The following NEDD4L variants were observed in gnomAD, a reference collection of about 807,000 sequenced individuals.
NEDD4L encodes E3 ubiquitin-protein ligase NEDD4-like.
NEDD4L carries 54 observed loss-of-function variants against 148.9 expected under a neutral mutation model. The observed-to-expected ratio is 0.36, with a 90% CI of 0.29 to 0.45. The LOEUF is 0.45. Ranked by LOEUF, NEDD4L falls within the 20% of genes least tolerant of loss-of-function variation. The pLI, the probability that NEDD4L is intolerant of heterozygous loss-of-function variation, is 1.00. For missense variants in NEDD4L, 856 were observed against 1,233.8 expected (o/e 0.69, Z 4.59); for synonymous variants, 433 against 440.7 (o/e 0.98, Z 0.22).
chr18:58,205,513 T>C (rs2041895256), intron 2 of NEDD4L, among the ~76,000 whole-genome samples: 1 of 151,912 alleles, frequency 6.6e-6, no homozygotes, highest in East Asian at 1.9e-4. Context: ...TGTGTGTGTG[T>C]GTGTGTGGTT....
At chr18:58,357,167 T>C (rs1220110871) in intron 18 of NEDD4L, 27 bp from the exon 19 acceptor site, 2 of 794,866 alleles carry the variant, frequency 2.5e-6, no homozygotes, top group Admixed American at 8.6e-5. Context: ...TGTTCTGATT[T>C]TTTTTTTTTT....
At chr18:58,383,068 C>T (rs1256937221) in intron 24 of NEDD4L, among the ~76,000 whole-genome samples, 178 bp from the exon 25 acceptor site, 1 of 152,190 alleles carries the variant, frequency 6.6e-6, no homozygotes, top group Non-Finnish European at 1.5e-5. Flanking sequence ...GCATCTTTAA[C>T]TGTGTAACAT....
chr18:58,051,116 C>T (rs1225797119), intron 1 of NEDD4L, among the ~76,000 whole-genome samples: 23 of 152,062 alleles, frequency 1.5e-4, no homozygotes, highest in Admixed American at 1.1e-3. Flanking sequence ...AACTTAGTTG[C>T]GTGTTGTGGC....
intron 1 of NEDD4L, among the ~76,000 whole-genome samples, chr18:58,140,303 A>G (rs1458924653): frequency 6.6e-6 from 1 of 152,222 alleles, no homozygotes; most frequent in African/African-American, 2.4e-5. Flanking sequence ...GATTAAAATC[A>G]TACTTCCTAA....
At chr18:58,392,517 C>G (rs2049969636) in intron 30 of NEDD4L, among the ~76,000 whole-genome samples, 1 of 151,876 alleles carries the variant, frequency 6.6e-6, no homozygotes, top group African/African-American at 2.4e-5. Context: ...GTCGGATTCC[C>G]TTGCCTCACC....
At chr18:58,231,451 G>A (rs1307866188) in intron 2 of NEDD4L, among the ~76,000 whole-genome samples, 1 of 152,008 alleles carries the variant, frequency 6.6e-6, no homozygotes, top group African/African-American at 2.4e-5. Context: ...GGCCATGGGG[G>A]GAAAGCATGA....
At chr18:58,072,924 T>G (rs1029516127) in intron 1 of NEDD4L, among the ~76,000 whole-genome samples, 2 of 150,214 alleles carry the variant, frequency 1.3e-5, no homozygotes, top group Admixed American at 6.6e-5. Flanking sequence ...AACTAATAAT[T>G]GAGTTTACAA....
Position 58,148,347 on chromosome 18 carries a change from G to T in NEDD4L, c.49-17441G>T, listed in dbSNP as rs117368632. 5.7e-3 allele frequency among the ~76,000 whole-genome samples: 866 copies of T among 151,966 alleles called. 1 individual carries two copies. Among genetic ancestry groups the T allele is most frequent in the East Asian group, 0.013 (69 of 5,172 alleles). On this transcript the variant is annotated intron_variant, in intron 1 of 30. Transcript: ENST00000400345. Reference sequence around the variant, plus strand: ...GTCTGGCTACTTTTTATATTTTTTAGTAGAGATGGGGTTTCACCATGTTGG... The same window carrying T: ...GTCTGGCTACTTTTTATATTTTTTATTAGAGATGGGGTTTCACCATGTTGG...
At chr18:58,107,157 G>T (rs1435363450) in intron 1 of NEDD4L, among the ~76,000 whole-genome samples, 1 of 152,072 alleles carries the variant, frequency 6.6e-6, no homozygotes, top group African/African-American at 2.4e-5. Flanking sequence ...AGCCATATTG[G>T]ATTAGGCCCA....
chr18:58,294,136 T>G (rs73437265), intron 5 of NEDD4L, among the ~76,000 whole-genome samples: 67 of 152,320 alleles, frequency 4.4e-4, no homozygotes, highest in African/African-American at 1.5e-3. Context: ...GGAAATCTGA[T>G]AAGGAATCGA....
At chr18:58,221,053 G>T (rs2043704369) in intron 2 of NEDD4L, among the ~76,000 whole-genome samples, 1 of 152,148 alleles carries the variant, frequency 6.6e-6, no homozygotes, top group African/African-American at 2.4e-5. Flanking sequence ...TCTTTTGGGG[G>T]CTGTAGTTTG....
At chr18:58,282,860 C>T (rs184134012) in intron 5 of NEDD4L, among the ~76,000 whole-genome samples, 4 of 152,138 alleles carry the variant, frequency 2.6e-5, no homozygotes, top group East Asian at 3.9e-4. Flanking sequence ...GATCATGCTG[C>T]GTAACAAACC....
chr18:58,209,670 A>T lies in NEDD4L; in HGVS notation c.123-35757A>T, dbSNP rs2042404366. Reference sequence around the variant, plus strand: ...ATTTAATGAAGGTAAAAAGTAAAGAATTGAGTCTGCATCCTAAGAAATTAG... The same window carrying T: ...ATTTAATGAAGGTAAAAAGTAAAGATTTGAGTCTGCATCCTAAGAAATTAG... On this transcript the variant is annotated intron_variant, in intron 2 of 30. Coordinates refer to ENST00000400345, the MANE Select transcript of NEDD4L (RefSeq NM_001144967.3). Among the ~76,000 whole-genome samples the T allele has an allele frequency of 3.3e-5, 5 of 151,224 alleles. No homozygotes were observed. In the South Asian group the frequency reaches 1.0e-3, roughly 32 times the overall value.
At chr18:58,238,806 T>C (rs937183186) in intron 2 of NEDD4L, among the ~76,000 whole-genome samples, 4 of 152,226 alleles carry the variant, frequency 2.6e-5, no homozygotes, top group African/African-American at 9.6e-5. Flanking sequence ...ATAATAATTA[T>C]TCCTTCCAGT....
chr18:58,214,999 A>G (rs2043021403), intron 2 of NEDD4L, among the ~76,000 whole-genome samples: 1 of 151,784 alleles, frequency 6.6e-6, no homozygotes, highest in African/African-American at 2.4e-5. Flanking sequence ...TTTAGTAGAG[A>G]CAGGGTTTCA....
chr18:58,173,209 C>T (rs532658182), intron 2 of NEDD4L, among the ~76,000 whole-genome samples: 2 of 152,150 alleles, frequency 1.3e-5, no homozygotes, highest in Non-Finnish European at 2.9e-5. Context: ...ACCTAACTCC[C>T]CTCCCTTTTT....
chr18:58,225,454 G>A (rs867168464), intron 2 of NEDD4L, among the ~76,000 whole-genome samples: 10 of 152,188 alleles, frequency 6.6e-5, no homozygotes, highest in South Asian at 4.1e-4. Context: ...GGTTTTATCC[G>A]CTTCACAATT....
At chr18:58,350,896 C>T in intron 17 of NEDD4L, 95 bp from the exon 18 acceptor site, 1 of 897,422 alleles carries the variant, frequency 1.1e-6, no homozygotes, top group Non-Finnish European at 1.8e-6. Context: ...GAAAAGAGTA[C>T]AGAGGTGTTC....
intron 2 of NEDD4L, among the ~76,000 whole-genome samples, chr18:58,227,194 A>C (rs1381255543): frequency 6.6e-6 from 1 of 152,222 alleles, no homozygotes; most frequent in East Asian, 1.9e-4. Flanking sequence ...TAGGCTCCGC[A>C]GAGGTAGAGC....
Sources: allele counts gnomAD v4.1 joint callset (sites outside exome capture counted in the v4.1 genomes callset), GRCh38; gene constraint gnomAD v4.1.1; transcripts MANE v1.5; gene names NCBI Gene and HGNC (gene_info 2026-07-23, HGNC 2026-07-21).